Variants in COL4A1 observed in about 807,000 individuals in gnomAD.
COL4A1 encodes collagen type IV alpha 1 chain.
Under a neutral mutation model 216.6 loss-of-function variants are expected in COL4A1, and 40 were observed. The ratio of observed to expected loss-of-function variants is 0.18; its 90% CI spans 0.14 to 0.24. COL4A1 has a LOEUF of 0.24. Ranked by LOEUF, COL4A1 falls within the 10% of genes least tolerant of loss-of-function variation. COL4A1 has a pLI of 1.00. For synonymous variants in COL4A1, 839 were observed against 810.7 expected (o/e 1.03, Z -0.59); for missense variants, 1,628 against 2,196.8 (o/e 0.74, Z 5.18).
At chr13:110,286,592 G>A (rs1364721306) in intron 1 of COL4A1, among the ~76,000 whole-genome samples, 4 of 152,218 alleles carry the variant, frequency 2.6e-5, no homozygotes, top group Admixed American at 2.6e-4. Context: ...CGCCTATAGG[G>A]ACAGAGAAAT....
chr13:110,219,678 G>GTGTGTATATATA (rs1555307862), intron 2 of COL4A1, among the ~76,000 whole-genome samples: 1 of 123,236 alleles, frequency 8.1e-6, no homozygotes, highest in African/African-American at 3.3e-5. Context: ...ATATATATAT[G>GTGTGTATATATA]TGTATATATA....
chr13:110,289,734 C>T (rs1480699855), intron 1 of COL4A1, among the ~76,000 whole-genome samples: 5 of 152,202 alleles, frequency 3.3e-5, no homozygotes, highest in African/African-American at 1.2e-4. Flanking sequence ...GGGCTAAATA[C>T]CAACATCTCA....
intron 46 of COL4A1, among the ~76,000 whole-genome samples, chr13:110,164,436 A>G (rs16975429): frequency 6.6e-6 from 1 of 152,178 alleles, no homozygotes; most frequent in African/African-American, 2.4e-5. Flanking sequence ...AGACTATGTT[A>G]GGGTTTCAGG....
chr13:110,214,021 G>A lies in COL4A1; in HGVS notation c.145-6C>T. 6.2e-7 allele frequency: 1 copy of A among 1,612,982 alleles called. No homozygotes were observed. The highest frequency in any genetic ancestry group is 8.5e-7 in the Non-Finnish European group (1 of 1,179,056). On this transcript the variant is annotated splice_polypyrimidine_tract_variant and splice_region_variant and intron_variant, in intron 2 of 51. Coordinates refer to ENST00000375820, the MANE Select transcript of COL4A1 (RefSeq NM_001845.6). ...CCCGGGAGGCCTCTTTCACCCTACAGAAGAGGAACATCAGTCAGGCAAAAG... is the reference window on the plus strand; with the variant it reads ...CCCGGGAGGCCTCTTTCACCCTACAAAAGAGGAACATCAGTCAGGCAAAAG...
chr13:110,181,439 A>C, intron 28 of COL4A1, 50 bp from the exon 29 acceptor site: 1 of 1,489,054 alleles, frequency 6.7e-7, no homozygotes, highest in South Asian at 1.2e-5. Flanking sequence ...CATTGCGATT[A>C]CAATGCCGTT....
At chr13:110,210,913 T>C (rs149123002) in intron 8 of COL4A1, among the ~76,000 whole-genome samples, 3 of 152,112 alleles carry the variant, frequency 2.0e-5, no homozygotes, top group Admixed American at 6.6e-5. Context: ...CACCTCACTC[T>C]GCAGGTTTTG....
chr13:110,235,283 C>T (rs2139236799), intron 2 of COL4A1, among the ~76,000 whole-genome samples: 1 of 152,156 alleles, frequency 6.6e-6, no homozygotes. Flanking sequence ...AAGCATAACA[C>T]CTTTAACGTT....
intron 1 of COL4A1, among the ~76,000 whole-genome samples, chr13:110,299,563 C>T (rs1884413113): frequency 6.6e-6 from 1 of 152,210 alleles, no homozygotes; most frequent in African/African-American, 2.4e-5. Flanking sequence ...AAGCAACTGC[C>T]CTCATCCCCA....
At chr13:110,214,149 A>AG in intron 2 of COL4A1, 134 bp from the exon 3 acceptor site, 1 of 745,944 alleles carries the variant, frequency 1.3e-6, no homozygotes, top group Non-Finnish European at 2.3e-6. Flanking sequence ...GCTGGAGTGC[A>AG]TGCACGATCT....
chr13:110,213,918 G>A lies in COL4A1; in HGVS notation c.234+8C>T, dbSNP rs9521650. On this transcript the variant is annotated splice_region_variant and intron_variant, in intron 3 of 51. Coordinates refer to ENST00000375820, the MANE Select transcript of COL4A1 (RefSeq NM_001845.6). ...TCCACCCACCCCCAATCCCACAGCC[G>A]TGCTTACCTTTTGTCCTGGTGGTCC... is the stretch of plus-strand genomic sequence containing the variant. The A allele has an allele frequency of 0.15, 241,571 of 1,613,246 alleles. 18,771 individuals carry two copies. The highest frequency in any genetic ancestry group is 0.22 in the East Asian group (9,918 of 44,842).
chr13:110,305,866 G>C (rs1015198127), intron 1 of COL4A1: 1 of 152,230 alleles, frequency 6.6e-6, no homozygotes, highest in African/African-American at 2.4e-5. Context: ...TCTTCCAGGA[G>C]AGAAGTAAAA....
intron 10 of COL4A1, 56 bp from the exon 11 acceptor site, chr13:110,209,483 C>T (rs1051821951): frequency 6.4e-6 from 8 of 1,245,818 alleles, no homozygotes; most frequent in Non-Finnish European, 9.2e-6. Flanking sequence ...GAGCTTTAAG[C>T]CCTTCTTCAG....
intron 11 of COL4A1, 100 bp downstream of exon 11, chr13:110,209,292 C>CT: frequency 1.1e-4 from 123 of 1,132,838 alleles, no homozygotes; most frequent in Non-Finnish European, 1.3e-4. Flanking sequence ...AATTTTCCAA[C>CT]TTTTTTTTAG....
At chr13:110,289,448 C>A (rs1883994677) in intron 1 of COL4A1, among the ~76,000 whole-genome samples, 1 of 152,106 alleles carries the variant, frequency 6.6e-6, no homozygotes, top group African/African-American at 2.4e-5. Context: ...TGACCCCCTG[C>A]CCATCCCCCA....
intron 1 of COL4A1, among the ~76,000 whole-genome samples, chr13:110,304,506 G>A (rs1566458938): frequency 1.3e-5 from 2 of 152,156 alleles, no homozygotes; most frequent in African/African-American, 2.4e-5. Context: ...GGTTCATTCC[G>A]CCCAGTGCAA....
chr13:110,281,966 C>T (rs77306642), intron 1 of COL4A1, among the ~76,000 whole-genome samples: 3,496 of 152,326 alleles, frequency 0.023, 83 homozygotes, highest in South Asian at 0.073. Context: ...AACACAACAG[C>T]TCCCTTCAGT....
chr13:110,170,823 C>T, intron 41 of COL4A1, 91 bp from the exon 42 acceptor site: 1 of 1,416,812 alleles, frequency 7.1e-7, no homozygotes, highest in Non-Finnish European at 9.9e-7. Flanking sequence ...TGAGGCGTGC[C>T]TCATCCTGTA....
At chr13:110,230,523 G>T (rs1476729559) in intron 2 of COL4A1, among the ~76,000 whole-genome samples, 1 of 132,872 alleles carries the variant, frequency 7.5e-6, no homozygotes, top group Non-Finnish European at 1.6e-5. Flanking sequence ...ATAAAGGGAA[G>T]AAGGGTAAAG....
chr13:110,236,892 T>C (rs1881340310), intron 2 of COL4A1, among the ~76,000 whole-genome samples: 1 of 152,180 alleles, frequency 6.6e-6, no homozygotes, highest in Admixed American at 6.5e-5. Context: ...ACCCCTAACC[T>C]GTCTCAGGAG....
Sources: gnomAD v4.1 joint callset for allele counts (sites outside exome capture counted in the v4.1 genomes callset) on GRCh38, gnomAD v4.1.1 for gene constraint, MANE v1.5 for transcripts, NCBI Gene and HGNC (gene_info 2026-07-23, HGNC 2026-07-21) for gene names.